The following CTNND2 variants were observed in gnomAD, a reference collection of about 807,000 sequenced individuals.
CTNND2 encodes the protein catenin delta-2.
A neutral mutation model predicts 144.4 loss-of-function variants in CTNND2; 22 were observed. The ratio of observed to expected loss-of-function variants is 0.15; its 90% CI spans 0.11 to 0.22. The LOEUF (loss-of-function observed/expected upper bound fraction) is 0.22, where lower values mean the gene tolerates loss of function less well. CTNND2 is among the 10% of genes least tolerant of loss of function. The pLI, the probability that CTNND2 is intolerant of heterozygous loss-of-function variation, is 1.00. For missense variants in CTNND2, 1,353 were observed against 1,618.8 expected, an observed-to-expected ratio of 0.84 and a Z score of 2.82; for synonymous variants, 751 against 695.6, an observed-to-expected ratio of 1.08 and a Z score of -1.25.
intron 1 of CTNND2, among the ~76,000 whole-genome samples, chr5:11,856,833 C>A (rs1795275187): frequency 6.6e-6 from 1 of 152,046 alleles, no homozygotes; most frequent in Admixed American, 6.6e-5. Flanking sequence ...GTGATGAATT[C>A]CTGGCACAAG....
At chr5:11,682,949 G>A (rs1784485006) in intron 2 of CTNND2, among the ~76,000 whole-genome samples, 1 of 152,202 alleles carries the variant, frequency 6.6e-6, no homozygotes, top group South Asian at 2.1e-4. Context: ...AACTCACTGT[G>A]TAGAAAACAT....
In CTNND2 at chr5:10,973,588, G is replaced by A. The variant is rs549060878; in HGVS notation, c.3543C>T (p.Pro1181=). Reference sequence around the variant, plus strand: ...CCAGGTGCATGGTGTACTCGCTGGCGGGAGGGCGATGGTGGACCTGGTCCT... The same window carrying A: ...CCAGGTGCATGGTGTACTCGCTGGCAGGAGGGCGATGGTGGACCTGGTCCT... ...FFEDQVHHRP[P]ASEYTMHLGL... The change falls in exon 22 of 22, where the codon CCC becomes CCT. Residue 1181 remains proline, a synonymous_variant. Coordinates refer to ENST00000304623, the MANE Select transcript of CTNND2 (RefSeq NM_001332.4). The surrounding 1 kb of genome is among the most constrained non-coding windows in gnomAD (Gnocchi z 5.6). The A allele has an allele frequency of 4.0e-5, 64 of 1,614,172 alleles. No individual in the cohort carries two copies. Among genetic ancestry groups the A allele is most frequent in the Admixed American group, 2.0e-4 (12 of 60,016 alleles).
At chr5:11,278,466 G>A (rs1192358190) in intron 9 of CTNND2, among the ~76,000 whole-genome samples, 1 of 152,170 alleles carries the variant, frequency 6.6e-6, no homozygotes, top group African/African-American at 2.4e-5. Context: ...AGACATCAAA[G>A]CATGTTGGGC....
chr5:11,195,990 C>T (rs1365707035), intron 11 of CTNND2, among the ~76,000 whole-genome samples: 1 of 152,144 alleles, frequency 6.6e-6, no homozygotes, highest in African/African-American at 2.4e-5. Context: ...ATATATTCTG[C>T]TGTGAAGAGA....
chr5:11,288,297 C>G (rs1411882275), intron 9 of CTNND2, among the ~76,000 whole-genome samples: 1 of 151,960 alleles, frequency 6.6e-6, no homozygotes, highest in East Asian at 1.9e-4. Flanking sequence ...TGTGCAGAAA[C>G]TGCTTCTAAA....
chr5:11,720,404 A>C (rs945459902), intron 2 of CTNND2, among the ~76,000 whole-genome samples: 1 of 152,218 alleles, frequency 6.6e-6, no homozygotes, highest in Non-Finnish European at 1.5e-5. Context: ...ATCTGGCACA[A>C]GACAGAGACC....
chr5:11,682,614 C>A (rs1054508220), intron 2 of CTNND2, among the ~76,000 whole-genome samples: 9 of 152,128 alleles, frequency 5.9e-5, no homozygotes, highest in Admixed American at 5.9e-4. Flanking sequence ...TTTGGAGCTA[C>A]ATAAATCATA....
intron 1 of CTNND2, among the ~76,000 whole-genome samples, chr5:11,884,544 T>C (rs1418511499): frequency 6.6e-6 from 1 of 152,182 alleles, no homozygotes; most frequent in Non-Finnish European, 1.5e-5. Context: ...ATATATCTGT[T>C]TTGGTACCTT....
chr5:11,724,293 G>T (rs1333184132), intron 2 of CTNND2, among the ~76,000 whole-genome samples: 1 of 152,148 alleles, frequency 6.6e-6, no homozygotes, highest in South Asian at 2.1e-4. Context: ...CGTGTTCTTG[G>T]GGGGCATTCC....
At chr5:11,635,168 AAG>A (rs985788136) in intron 2 of CTNND2, among the ~76,000 whole-genome samples, 2 of 152,124 alleles carry the variant, frequency 1.3e-5, no homozygotes, top group African/African-American at 4.8e-5. Context: ...GGGCAGTGCA[AAG>A]AGAGTTTTTA....
chr5:11,396,979 C>T, intron 6 of CTNND2, 52 bp downstream of exon 6: 1 of 1,535,236 alleles, frequency 6.5e-7, no homozygotes, highest in Non-Finnish European at 8.8e-7. Context: ...CATGCCCATT[C>T]CCCACCTGTC....
chr5:11,872,084 C>T (rs1735180396), intron 1 of CTNND2, among the ~76,000 whole-genome samples: 1 of 151,598 alleles, frequency 6.6e-6, no homozygotes, highest in African/African-American at 2.4e-5. Flanking sequence ...CTCCCTGTGT[C>T]CATGTGTTCT....
chr5:11,853,460 T>G (rs1413630160), intron 1 of CTNND2, among the ~76,000 whole-genome samples: 1 of 152,182 alleles, frequency 6.6e-6, no homozygotes, highest in Non-Finnish European at 1.5e-5. Flanking sequence ...TTCACTTTCT[T>G]GGAGATCTCA....
intron 3 of CTNND2, among the ~76,000 whole-genome samples, chr5:11,520,125 C>T (rs1336215637): frequency 1.5e-4 from 20 of 132,856 alleles, no homozygotes; most frequent in Middle Eastern, 8.8e-3. Context: ...CTAGCCTGGG[C>T]AACAAGAGTG....
At chr5:11,222,047 C>G (rs1042671627) in intron 10 of CTNND2, among the ~76,000 whole-genome samples, 1 of 152,176 alleles carries the variant, frequency 6.6e-6, no homozygotes, top group African/African-American at 2.4e-5. Context: ...AGTGAGAAAT[C>G]CCTCAGTGAG....
intron 1 of CTNND2, among the ~76,000 whole-genome samples, chr5:11,745,505 AG>A (rs1469690828): frequency 6.6e-6 from 1 of 152,130 alleles, no homozygotes; most frequent in Non-Finnish European, 1.5e-5. Flanking sequence ...TGCACACCCA[AG>A]ATTGGATGTG....
chr5:11,779,885 T>C (rs928508158), intron 1 of CTNND2, among the ~76,000 whole-genome samples: 1 of 152,196 alleles, frequency 6.6e-6, no homozygotes, highest in African/African-American at 2.4e-5. Context: ...TCATTCCTAA[T>C]TCCATCTTCC....
intron 2 of CTNND2, among the ~76,000 whole-genome samples, chr5:11,685,375 T>C (rs968685236): frequency 5.9e-5 from 9 of 152,210 alleles, no homozygotes; most frequent in Non-Finnish European, 1.3e-4. Flanking sequence ...CAATCTCACC[T>C]CTCATGAATT....
intron 9 of CTNND2, among the ~76,000 whole-genome samples, chr5:11,344,405 A>C (rs1754570032): frequency 6.6e-6 from 1 of 151,384 alleles, no homozygotes; most frequent in Non-Finnish European, 1.5e-5. Context: ...AAAAAAAAAA[A>C]CATGTTGAGA....
Sources: gnomAD v4.1 joint callset for allele counts (sites outside exome capture counted in the v4.1 genomes callset) on GRCh38, gnomAD v4.1.1 for gene constraint, Gnocchi (gnomAD v3.1) non-coding constraint, MANE v1.5 for transcripts, NCBI Gene and HGNC (gene_info 2026-07-23, HGNC 2026-07-21) for gene names.